Variants in MYRIP observed in about 807,000 individuals in gnomAD.
The protein encoded by MYRIP is myosin VIIA and Rab interacting protein, also known as rab effector MyRIP.
A neutral mutation model predicts 98.0 loss-of-function variants in MYRIP; 49 were observed. That is an observed-to-expected ratio of 0.50 (90% CI 0.40 to 0.63). MYRIP has a LOEUF of 0.63. Among genes scored for constraint, MYRIP ranks in the 30% least tolerant of loss-of-function variants. The probability of loss-of-function intolerance (pLI) is 0.00; values close to 1 mark genes in which losing one functional copy is unlikely to be tolerated. For synonymous variants in MYRIP, 404 were observed against 409.5 expected, an observed-to-expected ratio of 0.99 and a Z score of 0.16; for missense variants, 1,004 against 1,058.2, an observed-to-expected ratio of 0.95 and a Z score of 0.71.
intron 8 of MYRIP, among the ~76,000 whole-genome samples, chr3:40,172,954 C>A (rs1267691516): frequency 6.6e-6 from 1 of 152,202 alleles, no homozygotes; most frequent in Non-Finnish European, 1.5e-5. Flanking sequence ...ACCTCACCCC[C>A]CAGAAACAGA....
intron 2 of MYRIP, among the ~76,000 whole-genome samples, chr3:40,023,276 T>C (rs1445990633): frequency 6.6e-6 from 1 of 152,198 alleles, no homozygotes; most frequent in Non-Finnish European, 1.5e-5. Context: ...AGCTCTCTGA[T>C]GTGTCAGTCA....
chr3:40,224,529 C>T (rs1225959318), intron 11 of MYRIP, among the ~76,000 whole-genome samples: 1 of 152,130 alleles, frequency 6.6e-6, no homozygotes, highest in African/African-American at 2.4e-5. Flanking sequence ...GCCCCCATTT[C>T]CCCGCTTAGT....
chr3:40,034,256 A>T (rs1947327079), intron 2 of MYRIP, among the ~76,000 whole-genome samples: 1 of 152,196 alleles, frequency 6.6e-6, no homozygotes, highest in Non-Finnish European at 1.5e-5. Context: ...TCTGCACAGC[A>T]AAAGAAACTA....
chr3:39,813,562 CTA>C (rs1484755135), intron 1 of MYRIP, among the ~76,000 whole-genome samples: 1 of 152,110 alleles, frequency 6.6e-6, no homozygotes, highest in Non-Finnish European at 1.5e-5. Context: ...AGTTTACACA[CTA>C]TGCAAGCCGG....
chr3:39,823,303 C>T (rs1018479659), intron 1 of MYRIP, among the ~76,000 whole-genome samples: 22 of 152,134 alleles, frequency 1.4e-4, no homozygotes, highest in African/African-American at 1.9e-4. Context: ...CGTGAGCCAC[C>T]GTGCCTGGTC....
intron 3 of MYRIP, among the ~76,000 whole-genome samples, chr3:40,078,275 G>A (rs920133189): frequency 6.6e-6 from 1 of 152,210 alleles, no homozygotes; most frequent in Non-Finnish European, 1.5e-5. Context: ...CGAAAGCGCT[G>A]TGTGCAGCCC....
intron 2 of MYRIP, among the ~76,000 whole-genome samples, chr3:39,929,531 A>G (rs559594798): frequency 1.3e-5 from 2 of 152,250 alleles, no homozygotes; most frequent in African/African-American, 2.4e-5. Context: ...TGATGGATAC[A>G]TAAATCAATG....
intron 2 of MYRIP, among the ~76,000 whole-genome samples, chr3:40,022,482 C>G (rs561627178): frequency 1.3e-5 from 2 of 152,300 alleles, no homozygotes; most frequent in South Asian, 2.1e-4. Flanking sequence ...AGGGATGGAG[C>G]ACTCTTTACA....
intron 3 of MYRIP, among the ~76,000 whole-genome samples, chr3:40,109,522 C>T (rs113531114): frequency 2.0e-5 from 3 of 152,302 alleles, no homozygotes; most frequent in Non-Finnish European, 2.9e-5. Context: ...GGTTCATTCA[C>T]TCCTGTAATC....
intron 1 of MYRIP, among the ~76,000 whole-genome samples, chr3:39,844,139 C>G (rs1941892194): frequency 6.6e-6 from 1 of 152,172 alleles, no homozygotes; most frequent in Non-Finnish European, 1.5e-5. Context: ...CATGCCTCTT[C>G]CCCAGATCTC....
At chr3:40,009,328 C>T (rs1946704899) in intron 2 of MYRIP, among the ~76,000 whole-genome samples, 1 of 150,006 alleles carries the variant, frequency 6.7e-6, no homozygotes, top group African/African-American at 2.5e-5. Flanking sequence ...GCTCCGCCTC[C>T]CGGGTTCAAG....
intron 2 of MYRIP, among the ~76,000 whole-genome samples, chr3:40,033,945 A>G (rs1465026936): frequency 6.6e-6 from 1 of 152,136 alleles, no homozygotes; most frequent in African/African-American, 2.4e-5. Context: ...GATCTTTGAC[A>G]AACCTGAGAA....
At chr3:39,937,555 C>T (rs1944682865) in intron 2 of MYRIP, among the ~76,000 whole-genome samples, 1 of 152,138 alleles carries the variant, frequency 6.6e-6, no homozygotes, top group Non-Finnish European at 1.5e-5. Flanking sequence ...GGAATTTGCC[C>T]AATAACATAC....
chr3:40,142,870 C>CT (rs1949935882), intron 3 of MYRIP, among the ~76,000 whole-genome samples: 1 of 152,214 alleles, frequency 6.6e-6, no homozygotes, highest in South Asian at 2.1e-4. Flanking sequence ...GAGCATCTCT[C>CT]TTTCTTCCTA....
intron 3 of MYRIP, among the ~76,000 whole-genome samples, chr3:40,059,809 G>A (rs997743653): frequency 3.3e-5 from 5 of 152,108 alleles, no homozygotes; most frequent in African/African-American, 1.2e-4. Context: ...CCCCGTGAAG[G>A]GCCAGATCAA....
At chr3:40,159,323 C>T (rs1950321993) in intron 4 of MYRIP, among the ~76,000 whole-genome samples, 1 of 152,014 alleles carries the variant, frequency 6.6e-6, no homozygotes, top group Admixed American at 6.5e-5. Flanking sequence ...AATATTGGCC[C>T]CCACTCTCTT....
chr3:40,105,540 G>T (rs1218008121), intron 3 of MYRIP, among the ~76,000 whole-genome samples: 2 of 152,032 alleles, frequency 1.3e-5, no homozygotes, highest in East Asian at 1.9e-4. Context: ...GAGAGGGGAG[G>T]TGCCACACAC....
intron 10 of MYRIP, among the ~76,000 whole-genome samples, chr3:40,197,405 TC>T (rs1242315152): frequency 1.3e-5 from 2 of 152,068 alleles, no homozygotes; most frequent in Middle Eastern, 3.2e-3. Context: ...CTCTATGCAA[TC>T]CATAACATAA....
rs534173848 is a variant in MYRIP, at chr3:39,894,302, A to T, written c.-30-6485A>T. 2.6e-5 allele frequency among the ~76,000 whole-genome samples: 4 copies of T among 152,318 alleles called. No individual in the cohort carries two copies. In the East Asian group the frequency reaches 7.7e-4, roughly 29 times the overall value. ...TTCCCAAGCCTGGCCCCATCTAGCC[A>T]CTGCCTTCCAGAGGGTAACCACTAC... On this transcript the variant is annotated intron_variant, in intron 1 of 16. Transcript: ENST00000302541.
Sources: gnomAD v4.1 joint callset for allele counts (sites outside exome capture counted in the v4.1 genomes callset) on GRCh38, gnomAD v4.1.1 for gene constraint, MANE v1.5 for transcripts, NCBI Gene and HGNC (gene_info 2026-07-23, HGNC 2026-07-21) for gene names.